NOL4: variants seen among roughly 807,000 people sequenced by gnomAD.
NOL4 encodes cancer/testis antigen 125.
NOL4 carries 17 observed loss-of-function variants against 75.9 expected under a neutral mutation model. That is an observed-to-expected ratio of 0.22 (90% CI 0.15 to 0.34). The LOEUF (loss-of-function observed/expected upper bound fraction) is 0.34, where lower values mean the gene tolerates loss of function less well. NOL4 is among the 10% of genes least tolerant of loss of function. NOL4 has a pLI of 1.00. For missense variants in NOL4, 614 were observed against 793.5 expected (o/e 0.77, Z 2.72); for synonymous variants, 292 against 289.9 (o/e 1.01, Z -0.07).
chr18:34,121,790 G>C (rs1445119409), intron 2 of NOL4, among the ~76,000 whole-genome samples: 1 of 152,138 alleles, frequency 6.6e-6, no homozygotes, highest in Non-Finnish European at 1.5e-5. Context: ...AGTGTTTACT[G>C]TTCTCACTAG....
intron 5 of NOL4, among the ~76,000 whole-genome samples, chr18:34,070,278 CA>C (rs2077457460): frequency 1.3e-5 from 2 of 152,368 alleles, no homozygotes; most frequent in South Asian, 4.1e-4. Flanking sequence ...CTCGGCCTCC[CA>C]AAGTGCTGGG....
chr18:34,051,977 T>C (rs1389539333), intron 5 of NOL4, among the ~76,000 whole-genome samples: 1 of 151,940 alleles, frequency 6.6e-6, no homozygotes, highest in African/African-American at 2.4e-5. Context: ...ACCATGCAAC[T>C]AGGAAAAAGA....
chr18:34,202,853 T>C (rs2035831638), intron 1 of NOL4, among the ~76,000 whole-genome samples: 5 of 151,958 alleles, frequency 3.3e-5, no homozygotes, highest in Admixed American at 3.3e-4. Context: ...GGTAGGAAAG[T>C]AAAATGGTAC....
rs148499116 is a variant in NOL4, at chr18:34,087,436, G to C, written c.772+6029C>G. On this transcript the variant is annotated intron_variant, in intron 5 of 10. Transcript: ENST00000261592. ...ACAATGTACATATGTGAGCATCATT[G>C]CTATCTGAAACAGAAATGCATCTCA... Among the ~76,000 whole-genome samples, 942 of 152,110 alleles carry C rather than the reference G, an allele frequency of 6.2e-3. 8 individuals carry two copies. Among genetic ancestry groups the C allele is most frequent in the African/African-American group, 0.022 (908 of 41,516 alleles).
intron 2 of NOL4, among the ~76,000 whole-genome samples, chr18:34,120,387 C>G (rs1044455791): frequency 1.9e-4 from 29 of 152,272 alleles, no homozygotes; most frequent in African/African-American, 7.0e-4. Flanking sequence ...TTCTCTATTT[C>G]ATTTTTAAAA....
intron 10 of NOL4, among the ~76,000 whole-genome samples, chr18:33,865,710 T>C (rs554850734): frequency 1.3e-5 from 2 of 152,258 alleles, no homozygotes; most frequent in African/African-American, 4.8e-5. Context: ...AGAGAAAAGA[T>C]TGATACTACA....
chr18:34,141,066 A>G (rs968117293), intron 1 of NOL4, among the ~76,000 whole-genome samples: 1 of 152,170 alleles, frequency 6.6e-6, no homozygotes, highest in Non-Finnish European at 1.5e-5. Context: ...CAAATCATGA[A>G]TGAACTCCCA....
chr18:33,946,342 C>T (rs555318932), intron 8 of NOL4, among the ~76,000 whole-genome samples: 14 of 151,572 alleles, frequency 9.2e-5, no homozygotes, highest in South Asian at 4.2e-4. Flanking sequence ...GGTATTAATA[C>T]CAAAAGCTTA....
intron 7 of NOL4, 65 bp from the exon 8 acceptor site, chr18:33,957,582 C>T (rs1801328181): frequency 1.6e-6 from 2 of 1,265,640 alleles, no homozygotes; most frequent in Admixed American, 2.3e-5. Context: ...TCCTAGCTTC[C>T]TGTCTTGATT....
chr18:33,913,455 G>A (rs765123774), intron 9 of NOL4, among the ~76,000 whole-genome samples: 14 of 152,084 alleles, frequency 9.2e-5, no homozygotes, highest in Non-Finnish European at 1.9e-4. Flanking sequence ...CTATATTTCA[G>A]TACACACTAC....
chr18:34,210,623 G>T (rs967398390), intron 1 of NOL4, among the ~76,000 whole-genome samples: 2 of 152,188 alleles, frequency 1.3e-5, no homozygotes, highest in Non-Finnish European at 2.9e-5. Context: ...GAGAAAGTTA[G>T]TGTTAGTTCA....
chr18:34,130,087 A>G, intron 1 of NOL4, 67 bp from the exon 2 acceptor site: 2 of 1,375,564 alleles, frequency 1.5e-6, no homozygotes, highest in Non-Finnish European at 1.9e-6. Flanking sequence ...TAATACACAA[A>G]TTGTTTAAAA....
intron 9 of NOL4, among the ~76,000 whole-genome samples, chr18:33,903,410 C>A (rs1568036962): frequency 6.6e-6 from 1 of 152,118 alleles, no homozygotes; most frequent in Non-Finnish European, 1.5e-5. Flanking sequence ...GGACAGAGAA[C>A]CAAACCATAT....
intron 1 of NOL4, among the ~76,000 whole-genome samples, chr18:34,181,843 C>G (rs2034064011): frequency 2.6e-5 from 4 of 151,440 alleles, no homozygotes; most frequent in Admixed American, 2.6e-4. Flanking sequence ...AAATCAAAAC[C>G]ACAATGAGAT....
At chr18:34,016,863 G>A (rs1017841576) in intron 6 of NOL4, among the ~76,000 whole-genome samples, 1 of 152,054 alleles carries the variant, frequency 6.6e-6, no homozygotes, top group African/African-American at 2.4e-5. Flanking sequence ...ACAGTGACTT[G>A]CATGTAGGAA....
intron 5 of NOL4, among the ~76,000 whole-genome samples, chr18:34,082,978 G>A (rs543598112): frequency 2.3e-3 from 345 of 152,192 alleles, no homozygotes; most frequent in Non-Finnish European, 3.8e-3. Flanking sequence ...ACAATGCAGT[G>A]GTTGAAGGAA....
At chr18:34,203,155 G>A (rs1189466994) in intron 1 of NOL4, among the ~76,000 whole-genome samples, 2 of 152,002 alleles carry the variant, frequency 1.3e-5, no homozygotes, top group East Asian at 3.9e-4. Flanking sequence ...AATCTCCAGG[G>A]AATTATACTA....
At chr18:33,974,277 T>C (rs1251593507) in intron 6 of NOL4, among the ~76,000 whole-genome samples, 1 of 152,166 alleles carries the variant, frequency 6.6e-6, no homozygotes, top group East Asian at 1.9e-4. Flanking sequence ...ATTCACAGAA[T>C]TCAAGAAATT....
At chr18:33,887,717 G>A (rs893802383) in intron 9 of NOL4, among the ~76,000 whole-genome samples, 1 of 151,910 alleles carries the variant, frequency 6.6e-6, no homozygotes, top group Non-Finnish European at 1.5e-5. Flanking sequence ...ATGGTTTCCA[G>A]CTTCATCCAT....
Sources: allele counts gnomAD v4.1 joint callset (sites outside exome capture counted in the v4.1 genomes callset), GRCh38; gene constraint gnomAD v4.1.1; transcripts MANE v1.5; gene names NCBI Gene and HGNC (gene_info 2026-07-23, HGNC 2026-07-21).